The following ARL15 variants were observed in gnomAD, a reference collection of about 807,000 sequenced individuals.
The protein encoded by ARL15 is ARF like GTPase 15, also known as ADP-ribosylation factor-like protein 15.
Under a neutral mutation model 25.2 loss-of-function variants are expected in ARL15, and 19 were observed. The ratio of observed to expected loss-of-function variants is 0.75; its 90% CI spans 0.53 to 1.10. The LOEUF (loss-of-function observed/expected upper bound fraction) is 1.10. Among genes scored for constraint, ARL15 ranks in the 50% least tolerant of loss-of-function variants. The pLI is 0.00. For missense variants in ARL15, 220 were observed against 246.0 expected (o/e 0.89, Z 0.71); for synonymous variants, 94 against 86.8 (o/e 1.08, Z -0.46).
chr5:53,983,900 C>T (rs1189107422), intron 4 of ARL15, among the ~76,000 whole-genome samples: 1 of 152,174 alleles, frequency 6.6e-6, no homozygotes, highest in Non-Finnish European at 1.5e-5. Context: ...CACCACAGGC[C>T]ATCCAGTCAT....
chr5:54,111,786 T>G (rs1752750247), intron 4 of ARL15, among the ~76,000 whole-genome samples: 1 of 152,090 alleles, frequency 6.6e-6, no homozygotes, highest in South Asian at 2.1e-4. Flanking sequence ...TAACAATGCA[T>G]TCTCAGCAAA....
In ARL15 at chr5:54,103,162, AT is replaced by A. The variant is rs545766519; in HGVS notation, c.462+10039del. Among the ~76,000 whole-genome samples the A allele has an allele frequency of 5.5e-3, 831 of 150,176 alleles. 7 individuals are homozygous for A. The highest frequency in any genetic ancestry group is 0.019 in the African/African-American group (764 of 41,084). ...TTGTAACCTAGTAAAAAACTTGTAA[AT>A]TTTTTTTTTGTTGTCAAATATTTAT... On this transcript the variant is annotated intron_variant, in intron 4 of 4. Coordinates refer to ENST00000504924, the MANE Select transcript of ARL15 (RefSeq NM_019087.3).
intron 2 of ARL15, among the ~76,000 whole-genome samples, chr5:54,166,219 G>GTC (rs1027573905): frequency 1.3e-5 from 2 of 151,752 alleles, no homozygotes; most frequent in African/African-American, 4.8e-5. Flanking sequence ...AAGAGATGGG[G>GTC]TCTCTCTCTC....
chr5:54,011,721 A>C (rs1405035497), intron 4 of ARL15, among the ~76,000 whole-genome samples: 1 of 152,106 alleles, frequency 6.6e-6, no homozygotes, highest in Non-Finnish European at 1.5e-5. Flanking sequence ...GTCTTAAAAG[A>C]GCATAAGGGC....
At chr5:54,020,765 G>A (rs907077465) in intron 4 of ARL15, among the ~76,000 whole-genome samples, 6 of 150,144 alleles carry the variant, frequency 4.0e-5, no homozygotes, top group African/African-American at 7.3e-5. Flanking sequence ...TGGCCAACAT[G>A]GTGAAACCTG....
At chr5:54,010,787 G>T (rs1432142717) in intron 4 of ARL15, among the ~76,000 whole-genome samples, 1 of 152,006 alleles carries the variant, frequency 6.6e-6, no homozygotes, top group African/African-American at 2.4e-5. Flanking sequence ...TGAGGCGCGC[G>T]GATCACGAGG....
chr5:53,995,359 G>A (rs1748636457), intron 4 of ARL15, among the ~76,000 whole-genome samples: 1 of 147,204 alleles, frequency 6.8e-6, no homozygotes, highest in Admixed American at 6.8e-5. Flanking sequence ...TGATGTGAGT[G>A]TGCAGTTGCA....
intron 1 of ARL15, among the ~76,000 whole-genome samples, chr5:54,216,317 C>G (rs1300875615): frequency 6.6e-6 from 1 of 152,132 alleles, no homozygotes; most frequent in Non-Finnish European, 1.5e-5. Context: ...CCCTGTGATC[C>G]AAACTTCTCA....
chr5:54,310,166 C>A lies in ARL15; in HGVS notation c.48+266G>T, dbSNP rs553747937. The stretch of plus-strand genomic sequence containing the variant: ...CAGGGGACGCGCCGCCGCGGCCGCC[C>A]CATCTCTCAAGCAGCCCCAGCGCGA... On this transcript the variant is annotated intron_variant, in intron 1 of 4. Coordinates refer to ENST00000504924, the MANE Select transcript of ARL15 (RefSeq NM_019087.3). 208 of 425,906 alleles carry A rather than the reference C, an allele frequency of 4.9e-4. 2 individuals carry two copies. Among genetic ancestry groups the A allele is most frequent in the African/African-American group, 4.0e-3 (198 of 49,224 alleles). 26.4% of individuals were successfully genotyped at this position (425,906 alleles called of 1,614,324 possible). A position where few individuals can be genotyped will look rare whatever the true frequency, so the allele number is the denominator to read the frequency against.
At chr5:54,246,787 A>G (rs962821485) in intron 1 of ARL15, among the ~76,000 whole-genome samples, 3 of 137,494 alleles carry the variant, frequency 2.2e-5, no homozygotes, top group African/African-American at 8.1e-5. Flanking sequence ...TTTTATATAC[A>G]AAGCATGCAT....
At chr5:54,015,808 G>A (rs1322708356) in intron 4 of ARL15, among the ~76,000 whole-genome samples, 1 of 152,094 alleles carries the variant, frequency 6.6e-6, no homozygotes, top group Non-Finnish European at 1.5e-5. Flanking sequence ...CACCCCTTTG[G>A]CATCTTTTGA....
rs576638745 is a variant in ARL15 at position 54,050,501 on chromosome 5, A to C, written c.462+62701T>G. ...AGGCAATTAATCTTGAAAGTTTCCC[A>C]CTTGACTTGAATGTTTGACTTTCTC... On this transcript the variant is annotated intron_variant, in intron 4 of 4. Transcript: ENST00000504924. 1.6e-3 allele frequency among the ~76,000 whole-genome samples: 243 copies of C among 152,254 alleles called. 1 individual carries two copies. The highest frequency in any genetic ancestry group is 1.4e-3 in the Admixed American group (22 of 15,288).
At chr5:54,142,684 C>CCTAACATGCTCTTATGTTCCAG (rs530241889) in intron 3 of ARL15, among the ~76,000 whole-genome samples, 97 of 152,222 alleles carry the variant, frequency 6.4e-4, no homozygotes, top group African/African-American at 2.2e-3. Flanking sequence ...CCAACGTGTT[C>CCTAACATGCTCTTATGTTCCAG]CATGCTCTTA....
intron 4 of ARL15, among the ~76,000 whole-genome samples, chr5:54,084,178 T>A (rs938242113): frequency 3.3e-5 from 5 of 152,120 alleles, no homozygotes; most frequent in Admixed American, 2.0e-4. Context: ...CTTGTACAAT[T>A]AGCCTTAGCC....
At chr5:54,229,716 G>T (rs1395821577) in intron 1 of ARL15, among the ~76,000 whole-genome samples, 4 of 152,122 alleles carry the variant, frequency 2.6e-5, no homozygotes, top group Non-Finnish European at 5.9e-5. Context: ...AAGGAGTCTA[G>T]GTTAGCATAT....
chr5:54,296,567 C>T (rs985413662), intron 1 of ARL15, among the ~76,000 whole-genome samples: 5 of 152,230 alleles, frequency 3.3e-5, no homozygotes, highest in Non-Finnish European at 7.3e-5. Context: ...TATTAAGAGG[C>T]CTGCAACCCA....
At chr5:54,024,207 G>A (rs949292940) in intron 4 of ARL15, among the ~76,000 whole-genome samples, 1 of 152,150 alleles carries the variant, frequency 6.6e-6, no homozygotes, top group African/African-American at 2.4e-5. Context: ...CTTGGTTGTT[G>A]TACTATATGG....
intron 4 of ARL15, among the ~76,000 whole-genome samples, chr5:54,046,207 G>A (rs1023403320): frequency 1.6e-4 from 24 of 152,312 alleles, no homozygotes; most frequent in African/African-American, 5.5e-4. Context: ...TGGGCTGGGC[G>A]TGGTGGCTTA....
At chr5:53,920,368 T>C (rs191370596) in intron 4 of ARL15, among the ~76,000 whole-genome samples, 600 of 152,110 alleles carry the variant, frequency 3.9e-3, no homozygotes, top group Non-Finnish European at 5.4e-3. Flanking sequence ...ATAATATATG[T>C]TCTTGTCATT....
Sources: gnomAD v4.1 joint callset for allele counts (sites outside exome capture counted in the v4.1 genomes callset) on GRCh38, gnomAD v4.1.1 for gene constraint, MANE v1.5 for transcripts, NCBI Gene and HGNC (gene_info 2026-07-23, HGNC 2026-07-21) for gene names.